Variants in ROBO1 observed in about 807,000 individuals in gnomAD.
ROBO1 encodes the protein roundabout guidance receptor 1.
ROBO1 carries 149 observed loss-of-function variants against 195.9 expected under a neutral mutation model. The observed-to-expected ratio is 0.76, with a 90% CI of 0.67 to 0.87. ROBO1 has a LOEUF of 0.87. ROBO1 is among the 40% of genes least tolerant of loss of function. ROBO1 has a pLI of 0.00. For synonymous variants in ROBO1, 816 were observed against 733.2 expected (o/e 1.11, Z -1.82); for missense variants, 1,933 against 2,068.3 (o/e 0.93, Z 1.27).
intron 2 of ROBO1, among the ~76,000 whole-genome samples, chr3:79,529,822 T>C (rs1941577043): frequency 1.3e-5 from 2 of 152,334 alleles, no homozygotes; most frequent in South Asian, 4.1e-4. Context: ...AACATTTCTA[T>C]GAAATCAGAA....
chr3:79,760,564 A>C (rs1172170202), intron 1 of ROBO1, among the ~76,000 whole-genome samples: 1 of 151,022 alleles, frequency 6.6e-6, no homozygotes, highest in Admixed American at 6.6e-5. Flanking sequence ...AAAAAAGATA[A>C]ATGTCTCACT....
At chr3:78,646,117 G>C in intron 21 of ROBO1, 31 bp downstream of exon 21, 1 of 1,587,460 alleles carries the variant, frequency 6.3e-7, no homozygotes, top group Non-Finnish European at 8.6e-7. Context: ...GGAATTCCCT[G>C]TAGGATCTAC....
chr3:79,341,279 C>T (rs1035363876), intron 2 of ROBO1, among the ~76,000 whole-genome samples: 6 of 152,046 alleles, frequency 3.9e-5, no homozygotes, highest in Non-Finnish European at 8.8e-5. Flanking sequence ...GTTGCTTAGA[C>T]ATATGAGATA....
chr3:79,212,444 G>GA (rs2108804766), intron 2 of ROBO1, among the ~76,000 whole-genome samples: 1 of 152,254 alleles, frequency 6.6e-6, no homozygotes, highest in African/African-American at 2.4e-5. Flanking sequence ...GGAGCAATTT[G>GA]AAAAATATTT....
intron 2 of ROBO1, among the ~76,000 whole-genome samples, chr3:79,529,428 G>T (rs192657579): frequency 6.6e-6 from 1 of 152,180 alleles, no homozygotes; most frequent in African/African-American, 2.4e-5. Context: ...GCCTTGTCTG[G>T]ATCGTGCCAC....
chr3:79,665,570 A>C (rs1946453462), intron 1 of ROBO1, among the ~76,000 whole-genome samples: 1 of 151,912 alleles, frequency 6.6e-6, no homozygotes, highest in Admixed American at 6.6e-5. Flanking sequence ...CTTGTAATGT[A>C]AATCAGTCAA....
intron 3 of ROBO1, among the ~76,000 whole-genome samples, chr3:78,962,495 G>C (rs1212918850): frequency 7.2e-6 from 1 of 138,170 alleles, no homozygotes; most frequent in Non-Finnish European, 1.5e-5. Context: ...TCCTTCCCTG[G>C]TACTGTCAGA....
At chr3:78,627,946 A>C (rs6548591) in intron 25 of ROBO1, among the ~76,000 whole-genome samples, 1 of 148,780 alleles carries the variant, frequency 6.7e-6, no homozygotes, top group Admixed American at 6.7e-5. Context: ...ATTTAGAGAA[A>C]AATTACTCTT....
chr3:79,431,874 A>T (rs2038692683), intron 2 of ROBO1, among the ~76,000 whole-genome samples: 1 of 152,072 alleles, frequency 6.6e-6, no homozygotes, highest in African/African-American at 2.4e-5. Flanking sequence ...AAAATGTGTC[A>T]TGCAATTACC....
At chr3:79,423,989 G>C (rs778821957) in intron 2 of ROBO1, among the ~76,000 whole-genome samples, 1 of 151,810 alleles carries the variant, frequency 6.6e-6, no homozygotes, top group Non-Finnish European at 1.5e-5. Flanking sequence ...CCTTCTAAAT[G>C]CATGGATTTA....
chr3:79,352,922 T>A (rs2035401462), intron 2 of ROBO1, among the ~76,000 whole-genome samples: 1 of 152,212 alleles, frequency 6.6e-6, no homozygotes, highest in Non-Finnish European at 1.5e-5. Flanking sequence ...ATATAACTGT[T>A]GCACATATTA....
intron 2 of ROBO1, among the ~76,000 whole-genome samples, chr3:79,506,535 C>T (rs1284163660): frequency 6.6e-6 from 1 of 151,978 alleles, no homozygotes; most frequent in Non-Finnish European, 1.5e-5. Context: ...ACCTCCACCT[C>T]CCGGGTTCAA....
chr3:79,314,761 C>G (rs1298472838), intron 2 of ROBO1, among the ~76,000 whole-genome samples: 1 of 152,190 alleles, frequency 6.6e-6, no homozygotes, highest in African/African-American at 2.4e-5. Flanking sequence ...AATTCCTGTT[C>G]TCACACAGTA....
chr3:79,700,344 T>TGTGTG (rs1947586152), intron 1 of ROBO1, among the ~76,000 whole-genome samples: 1 of 150,866 alleles, frequency 6.6e-6, no homozygotes, highest in Admixed American at 6.6e-5. Flanking sequence ...TGTGTGTGTG[T>TGTGTG]GTGTCTTTCT....
intron 1 of ROBO1, among the ~76,000 whole-genome samples, chr3:79,613,147 G>T (rs566766040): frequency 8.2e-4 from 124 of 151,934 alleles, no homozygotes; most frequent in African/African-American, 2.9e-3. Context: ...GACTGAAAAA[G>T]GGTCAAGTAT....
intron 5 of ROBO1, among the ~76,000 whole-genome samples, chr3:78,740,937 A>G (rs2108252980): frequency 6.6e-6 from 1 of 152,300 alleles, no homozygotes; most frequent in Middle Eastern, 3.4e-3. Flanking sequence ...CTAATCTAAA[A>G]CAAAAGGTTT....
intron 1 of ROBO1, among the ~76,000 whole-genome samples, chr3:79,663,951 T>C (rs1028460550): frequency 2.0e-5 from 3 of 152,046 alleles, no homozygotes; most frequent in Non-Finnish European, 4.4e-5. Context: ...CATCCATATA[T>C]TCCCTACAAA....
intron 1 of ROBO1, among the ~76,000 whole-genome samples, chr3:79,650,984 A>G (rs1463930560): frequency 6.6e-6 from 1 of 152,010 alleles, no homozygotes; most frequent in Non-Finnish European, 1.5e-5. Context: ...TTGCATCTGA[A>G]ATTCTGGAAT....
intron 3 of ROBO1, among the ~76,000 whole-genome samples, chr3:78,976,400 C>G (rs1440359789): frequency 6.6e-6 from 1 of 152,170 alleles, no homozygotes; most frequent in African/African-American, 2.4e-5. Context: ...GAGGCTGTCT[C>G]CACTGTGCCG....
Sources: gnomAD v4.1 joint callset for allele counts (sites outside exome capture counted in the v4.1 genomes callset) on GRCh38, gnomAD v4.1.1 for gene constraint, MANE v1.5 for transcripts, NCBI Gene and HGNC (gene_info 2026-07-23, HGNC 2026-07-21) for gene names.